Variants in SLC24A3 observed in about 807,000 individuals in gnomAD.
The protein encoded by SLC24A3 is solute carrier family 24 member 3.
Under a neutral mutation model 75.8 loss-of-function variants are expected in SLC24A3, and 28 were observed. That is an observed-to-expected ratio of 0.37 (90% CI 0.27 to 0.51). The LOEUF is 0.51. Among genes scored for constraint, SLC24A3 ranks in the 20% least tolerant of loss-of-function variants. SLC24A3 has a pLI of 0.94. For synonymous variants in SLC24A3, 372 were observed against 334.1 expected (o/e 1.11, Z -1.24); for missense variants, 663 against 847.8 (o/e 0.78, Z 2.71).
chr20:19,686,880 AT>A lies in SLC24A3; in HGVS notation c.1324+1520del, dbSNP rs1487463506. Among the ~76,000 whole-genome samples, 7 of 152,342 alleles carry A rather than the reference AT, an allele frequency of 4.6e-5. No homozygotes were observed. The East Asian group carries it at 1.3e-3, about 29-fold the overall frequency. The stretch of plus-strand genomic sequence containing the variant: ...TTAGTACATTATCTTCATAGAAAAA[AT>A]GTACACTCGTTCTTTATCCATTTTG... On this transcript the variant is annotated intron_variant, in intron 12 of 16. Coordinates refer to ENST00000328041, the MANE Select transcript of SLC24A3 (RefSeq NM_020689.4).
chr20:19,685,180 G>A lies in SLC24A3; in HGVS notation c.1143G>A (p.Val381=), dbSNP rs1367886421. The A allele has an allele frequency of 6.2e-7, 1 of 1,614,190 alleles. No individual in the cohort carries two copies. The highest frequency in any genetic ancestry group is 8.5e-7 in the Non-Finnish European group (1 of 1,180,038). ...TCAAAATCCCAATTAAGCACACCGT[G>A]GAGAATGGGACAGGGCCCAGCAGTG... ...VAIKIPIKHT[V]ENGTGPSSAP... is the part of the protein sequence containing the mutation. The change falls in exon 12 of 17, where the codon GTG becomes GTA. Residue 381 remains valine, a synonymous_variant. Transcript: ENST00000328041.
intron 2 of SLC24A3, among the ~76,000 whole-genome samples, chr20:19,374,431 A>T (rs1314243509): frequency 6.6e-6 from 1 of 152,226 alleles, no homozygotes; most frequent in Non-Finnish European, 1.5e-5. Context: ...AGATGAGCAG[A>T]ATACTGACTG....
chr20:19,285,477 C>CAA (rs35866612), intron 2 of SLC24A3, among the ~76,000 whole-genome samples: 641 of 42,490 alleles, frequency 0.015, 18 homozygotes, highest in African/African-American at 0.033. Context: ...GACCCTGTCT[C>CAA]AAAAAAAAAA....
intron 2 of SLC24A3, among the ~76,000 whole-genome samples, chr20:19,303,412 TG>T (rs1984245462): frequency 6.6e-6 from 1 of 152,244 alleles, no homozygotes; most frequent in African/African-American, 2.4e-5. Context: ...AGTCTACCGT[TG>T]ATGGGCATTT....
chr20:19,239,628 C>T lies in SLC24A3; in HGVS notation c.142+26644C>T, dbSNP rs961747715. 3.3e-5 allele frequency among the ~76,000 whole-genome samples: 5 copies of T among 152,204 alleles called. No homozygotes were observed. The South Asian group carries it at 6.2e-4, about 19-fold the overall frequency. On this transcript the variant is annotated intron_variant, in intron 1 of 16. Coordinates refer to ENST00000328041, the MANE Select transcript of SLC24A3 (RefSeq NM_020689.4). The stretch of plus-strand genomic sequence containing the variant: ...TGGGTGTGGCAGAGGAGCTTGGACA[C>T]GCATCAATTGCATGTCTGCAGGGCC...
chr20:19,679,381 C>T (rs575591460), intron 9 of SLC24A3, among the ~76,000 whole-genome samples: 1 of 152,390 alleles, frequency 6.6e-6, no homozygotes, highest in African/African-American at 2.4e-5. Context: ...CACGCACCTG[C>T]AATCGCAGGC....
At chr20:19,543,945 A>G (rs2030545678) in intron 3 of SLC24A3, among the ~76,000 whole-genome samples, 1 of 152,138 alleles carries the variant, frequency 6.6e-6, no homozygotes, top group South Asian at 2.1e-4. Context: ...GTGACTCCAC[A>G]TTTATTCCTG....
chr20:19,242,721 G>C (rs73605511), intron 1 of SLC24A3: 1 of 151,976 alleles, frequency 6.6e-6, no homozygotes, highest in Non-Finnish European at 1.5e-5. Context: ...TCCAAAGAAC[G>C]GACACAAATA....
At position 19,518,698 on chromosome 20, in the gene SLC24A3, G is replaced by A. The variant is rs142714632; in HGVS notation, c.348+3134G>A. Among the ~76,000 whole-genome samples, 1,040 of 152,314 alleles carry A rather than the reference G, an allele frequency of 6.8e-3. 16 individuals carry two copies. The highest frequency in any genetic ancestry group is 0.024 in the African/African-American group (978 of 41,584). The stretch of plus-strand genomic sequence containing the variant: ...GCACCACAGGTGATTTAGCTGCTGC[G>A]TTGGAGTGGTGAGAGATTCCTGACC... On this transcript the variant is annotated intron_variant, in intron 3 of 16. Coordinates refer to ENST00000328041, the MANE Select transcript of SLC24A3 (RefSeq NM_020689.4).
chr20:19,420,317 G>T (rs575616167), intron 2 of SLC24A3, among the ~76,000 whole-genome samples: 1 of 72,314 alleles, frequency 1.4e-5, no homozygotes, highest in African/African-American at 6.6e-5. Flanking sequence ...ATAGCAGCAT[G>T]ATTTATAGTC....
intron 2 of SLC24A3, among the ~76,000 whole-genome samples, chr20:19,291,030 C>T (rs1600414093): frequency 6.6e-6 from 1 of 152,208 alleles, no homozygotes; most frequent in African/African-American, 2.4e-5. Flanking sequence ...GGGAATGTTC[C>T]TGCCTTGTCC....
chr20:19,679,071 CAG>C (rs1477790353), intron 9 of SLC24A3, among the ~76,000 whole-genome samples: 1 of 152,076 alleles, frequency 6.6e-6, no homozygotes, highest in East Asian at 1.9e-4. Context: ...GGCGGCCAGG[CAG>C]AGACGCTCCT....
Position 19,585,016 on chromosome 20 carries a change from G to A in SLC24A3, c.469G>A (p.Ala157Thr). ...TGTGGCTGGGGCCACATTCATGGCA[G>A]CGGGAAGTTCGGCCCCAGAGCTGTT... ...EDVAGATFMAAGSSAPELFTS... is the reference protein window; with the variant it reads ...EDVAGATFMATGSSAPELFTS... Residue 157 changes from alanine (A) to threonine (T), a missense_variant, in exon 5 of 17, where the codon GCG becomes ACG. Transcript: ENST00000328041. The A allele has an allele frequency of 1.2e-6, 2 of 1,613,948 alleles. No individual in the cohort carries two copies. Among genetic ancestry groups the A allele is most frequent in the Non-Finnish European group, 1.7e-6 (2 of 1,179,824 alleles).
At chr20:19,277,420 A>T (rs1028565006) in intron 1 of SLC24A3, among the ~76,000 whole-genome samples, 4 of 152,236 alleles carry the variant, frequency 2.6e-5, no homozygotes, top group Non-Finnish European at 4.4e-5. Context: ...CAAATTGCTT[A>T]TCCTCTGACT....
chr20:19,549,343 T>C (rs1009754499), intron 3 of SLC24A3, among the ~76,000 whole-genome samples: 2 of 152,234 alleles, frequency 1.3e-5, no homozygotes, highest in Non-Finnish European at 2.9e-5. Flanking sequence ...TACATGTAAA[T>C]GAGGTATATT....
At chr20:19,434,516 AGCATTGGT>A (rs1346851318) in intron 2 of SLC24A3, among the ~76,000 whole-genome samples, 2 of 152,242 alleles carry the variant, frequency 1.3e-5, no homozygotes, top group South Asian at 2.1e-4. Context: ...CTGCACTGTT[AGCATTGGT>A]GCATTGGTGA....
At chr20:19,531,101 G>A (rs1034739716) in intron 3 of SLC24A3, among the ~76,000 whole-genome samples, 1 of 150,878 alleles carries the variant, frequency 6.6e-6, no homozygotes, top group Non-Finnish European at 1.5e-5. Flanking sequence ...TTCTGAACCT[G>A]TCCACATGCA....
At chr20:19,560,982 A>C (rs2030866549) in intron 3 of SLC24A3, among the ~76,000 whole-genome samples, 1 of 152,332 alleles carries the variant, frequency 6.6e-6, no homozygotes, top group Admixed American at 6.5e-5. Flanking sequence ...ACAAACTGAT[A>C]GGCAAGTCAG....
intron 2 of SLC24A3, among the ~76,000 whole-genome samples, chr20:19,325,002 A>G (rs897196122): frequency 7.4e-5 from 11 of 147,920 alleles, no homozygotes; most frequent in Non-Finnish European, 1.6e-4. Flanking sequence ...AGGTGAATGG[A>G]CGGTAGATGG....
Sources: gnomAD v4.1 joint callset for allele counts (sites outside exome capture counted in the v4.1 genomes callset) on GRCh38, gnomAD v4.1.1 for gene constraint, MANE v1.5 for transcripts, NCBI Gene and HGNC (gene_info 2026-07-23, HGNC 2026-07-21) for gene names.